Variants in PTPRK observed in about 807,000 individuals in gnomAD.
The protein encoded by PTPRK is protein tyrosine phosphatase receptor type K.
Under a neutral mutation model 178.0 loss-of-function variants are expected in PTPRK, and 75 were observed. The observed-to-expected ratio is 0.42, with a 90% CI of 0.35 to 0.51. PTPRK has a LOEUF of 0.51. Ranked by LOEUF, PTPRK falls within the 20% of genes least tolerant of loss-of-function variation. The pLI, the probability that PTPRK is intolerant of heterozygous loss-of-function variation, is 0.02. For missense variants in PTPRK, 1,441 were observed against 1,797.8 expected, an observed-to-expected ratio of 0.80 and a Z score of 3.59; for synonymous variants, 637 against 620.6, an observed-to-expected ratio of 1.03 and a Z score of -0.39.
chr6:128,359,441 T>C (rs1433951828), intron 2 of PTPRK, among the ~76,000 whole-genome samples: 1 of 151,698 alleles, frequency 6.6e-6, no homozygotes, highest in African/African-American at 2.4e-5. Flanking sequence ...GTTATCTGTT[T>C]GTTTTTGTAG....
intron 13 of PTPRK, among the ~76,000 whole-genome samples, chr6:128,037,247 G>C (rs965547359): frequency 1.3e-5 from 2 of 152,164 alleles, no homozygotes; most frequent in African/African-American, 4.8e-5. Context: ...AGTCATCCCA[G>C]ATTAAGACTG....
At chr6:128,351,965 T>A (rs2128337448) in intron 2 of PTPRK, among the ~76,000 whole-genome samples, 1 of 152,060 alleles carries the variant, frequency 6.6e-6, no homozygotes, top group East Asian at 1.9e-4. Context: ...TTTGAAATAT[T>A]CCATTAGTAG....
chr6:128,425,768 T>C (rs1423161142), intron 1 of PTPRK, among the ~76,000 whole-genome samples: 1 of 152,126 alleles, frequency 6.6e-6, no homozygotes, highest in African/African-American at 2.4e-5. Context: ...ATGAGAAAGC[T>C]TCCATGGATC....
chr6:128,330,708 T>G (rs1830151166), intron 2 of PTPRK, among the ~76,000 whole-genome samples: 1 of 152,110 alleles, frequency 6.6e-6, no homozygotes, highest in African/African-American at 2.4e-5. Context: ...TCTCATACAT[T>G]GCATTGAGAA....
intron 2 of PTPRK, among the ~76,000 whole-genome samples, chr6:128,335,663 CTG>C (rs1369142593): frequency 6.6e-6 from 1 of 151,896 alleles, no homozygotes; most frequent in Non-Finnish European, 1.5e-5. Flanking sequence ...ATAAAAGAAA[CTG>C]AGATCCTAGG....
chr6:128,240,011 G>A (rs773285022), intron 5 of PTPRK, 24 bp downstream of exon 5: 6 of 1,545,490 alleles, frequency 3.9e-6, no homozygotes, highest in Non-Finnish European at 4.5e-6. Context: ...ATACTCTTTA[G>A]CTCAGCTGCC....
chr6:128,060,201 T>C (rs768781926), intron 13 of PTPRK, among the ~76,000 whole-genome samples: 9 of 152,180 alleles, frequency 5.9e-5, no homozygotes, highest in Non-Finnish European at 1.3e-4. Context: ...AAAAGATGAA[T>C]GTTGAAAATT....
intron 16 of PTPRK, 92 bp from the exon 17 acceptor site, chr6:127,997,080 T>C (rs1777237844): frequency 7.6e-7 from 1 of 1,316,614 alleles, no homozygotes; most frequent in Non-Finnish European, 1.1e-6. Context: ...TAAAAACCAC[T>C]TTCTCAGAGA....
At chr6:128,297,419 T>C (rs1354853426) in intron 3 of PTPRK, among the ~76,000 whole-genome samples, 1 of 152,134 alleles carries the variant, frequency 6.6e-6, no homozygotes, top group African/African-American at 2.4e-5. Flanking sequence ...CAACAGAATA[T>C]ACATTTTTTT....
At chr6:128,036,085 G>A (rs546967945) in intron 13 of PTPRK, among the ~76,000 whole-genome samples, 1 of 152,222 alleles carries the variant, frequency 6.6e-6, no homozygotes, top group African/African-American at 2.4e-5. Flanking sequence ...TAGTACAGAG[G>A]GTCTTACAAA....
chr6:128,188,495 T>A (rs576727052), intron 6 of PTPRK, among the ~76,000 whole-genome samples: 1 of 152,208 alleles, frequency 6.6e-6, no homozygotes, highest in Non-Finnish European at 1.5e-5. Context: ...TAAATACCTC[T>A]CAATCCTACC....
At chr6:128,276,947 T>C (rs1820810607) in intron 3 of PTPRK, among the ~76,000 whole-genome samples, 2 of 152,148 alleles carry the variant, frequency 1.3e-5, no homozygotes, top group Non-Finnish European at 2.9e-5. Flanking sequence ...GAGGATTTGA[T>C]CTTTAAAAAG....
chr6:128,310,167 T>C (rs1424333884), intron 3 of PTPRK, among the ~76,000 whole-genome samples: 1 of 152,184 alleles, frequency 6.6e-6, no homozygotes, highest in Non-Finnish European at 1.5e-5. Context: ...GTGCCTTCTT[T>C]CTCTCTGATT....
intron 7 of PTPRK, among the ~76,000 whole-genome samples, chr6:128,133,717 CT>C (rs76203097): frequency 0.03 from 4,302 of 142,672 alleles, 72 homozygotes; most frequent in Middle Eastern, 0.12. Flanking sequence ...TAAAGAAAGG[CT>C]TTTTTTTTTT....
intron 3 of PTPRK, among the ~76,000 whole-genome samples, chr6:128,266,708 A>C (rs1448939856): frequency 1.3e-5 from 2 of 152,094 alleles, no homozygotes; most frequent in Non-Finnish European, 2.9e-5. Flanking sequence ...TGCCAAAGGG[A>C]AGAATCCAAG....
chr6:128,406,887 G>A (rs1038894684), intron 1 of PTPRK, among the ~76,000 whole-genome samples: 2 of 152,158 alleles, frequency 1.3e-5, no homozygotes, highest in Admixed American at 1.3e-4. Flanking sequence ...GCTTTGCACA[G>A]ACATTTAAGT....
chr6:128,127,890 G>A (rs771974378), intron 7 of PTPRK, among the ~76,000 whole-genome samples: 1 of 152,064 alleles, frequency 6.6e-6, no homozygotes, highest in African/African-American at 2.4e-5. Context: ...CCTCTTTCAA[G>A]CCTGTGGATC....
intron 7 of PTPRK, among the ~76,000 whole-genome samples, chr6:128,091,983 G>T (rs1338297613): frequency 2.6e-5 from 4 of 152,160 alleles, no homozygotes; most frequent in Admixed American, 6.5e-5. Flanking sequence ...CTGTTATGCA[G>T]AAAATGGATA....
chr6:128,351,514 G>T (rs562400250), intron 2 of PTPRK, among the ~76,000 whole-genome samples: 1 of 152,212 alleles, frequency 6.6e-6, no homozygotes, highest in South Asian at 2.1e-4. Context: ...ATTTTCACAA[G>T]TAAATTGATT....
Sources: gnomAD v4.1 joint callset for allele counts (sites outside exome capture counted in the v4.1 genomes callset) on GRCh38, gnomAD v4.1.1 for gene constraint, MANE v1.5 for transcripts, NCBI Gene and HGNC (gene_info 2026-07-23, HGNC 2026-07-21) for gene names.